The following PLCG1 variants were observed in gnomAD, a reference collection of about 807,000 sequenced individuals.
The protein encoded by PLCG1 is 1-phosphatidylinositol 4,5-bisphosphate phosphodiesterase gamma-1.
Under a neutral mutation model 177.8 loss-of-function variants are expected in PLCG1, and 71 were observed. The ratio of observed to expected loss-of-function variants is 0.40; its 90% CI spans 0.33 to 0.49. The LOEUF is 0.49. Ranked by LOEUF, PLCG1 falls within the 20% of genes least tolerant of loss-of-function variation. The pLI, the probability that PLCG1 is intolerant of heterozygous loss-of-function variation, is 0.72. For missense variants in PLCG1, 1,281 were observed against 1,709.0 expected (o/e 0.75, Z 4.42); for synonymous variants, 658 against 647.9 (o/e 1.02, Z -0.24).
chr20:41,142,911 G>C (rs2034874741), intron 1 of PLCG1, among the ~76,000 whole-genome samples: 1 of 152,146 alleles, frequency 6.6e-6, no homozygotes, highest in South Asian at 2.1e-4. Flanking sequence ...GGACCTGGTG[G>C]GGAGGAGTTC....
At position 41,163,200 on chromosome 20, in the gene PLCG1, C is replaced by T; in HGVS notation, c.717-3C>T. ...CTAGCTAGCTTACCTTCTCTCCCTG[C>T]AGGGCTGGGGAGCGGCCGGAGCTTT... On this transcript the variant is annotated splice_region_variant and splice_polypyrimidine_tract_variant and intron_variant, in intron 7 of 31. Transcript: ENST00000685551. The surrounding 1 kb of genome is among the most constrained non-coding windows in gnomAD (Gnocchi z 5.2). 1.3e-6 allele frequency: 2 copies of T among 1,544,856 alleles called. No individual in the cohort carries two copies. The highest frequency in any genetic ancestry group is 1.7e-6 in the Non-Finnish European group (2 of 1,147,784).
At chr20:41,169,258 G>A (rs547587327) in intron 22 of PLCG1, 83 bp downstream of exon 22, 20 of 1,057,404 alleles carry the variant, frequency 1.9e-5, no homozygotes, top group African/African-American at 1.4e-4. Flanking sequence ...TCCCAAGCAC[G>A]CACGTGCATG....
chr20:41,170,404 C>T (rs755842662), intron 24 of PLCG1, 135 bp downstream of exon 24: 8 of 806,710 alleles, frequency 9.9e-6, no homozygotes, highest in Non-Finnish European at 1.6e-5. Context: ...ACAGCCCCTG[C>T]CTTAGCTAGG....
intron 20 of PLCG1, 53 bp from the exon 21 acceptor site, chr20:41,168,714 G>A: frequency 9.2e-7 from 1 of 1,089,466 alleles, no homozygotes; most frequent in South Asian, 1.3e-5. Flanking sequence ...GCCCCAGGTT[G>A]GCAGTGGCAG....
Position 41,137,553 on chromosome 20 carries a change from T to C in PLCG1, c.-89T>C. The C allele has an allele frequency of 1.4e-6, 1 of 715,798 alleles. No individual in the cohort carries two copies. Among genetic ancestry groups the C allele is most frequent in the Non-Finnish European group, 1.9e-6 (1 of 523,924 alleles). 44.3% of individuals were successfully genotyped at this position (715,798 alleles called of 1,614,324 possible). ...CGCCGGGTCCCGCTCGTCTGCCGCC[T>C]CAGCCTCAGCCCCAACCTCAGCCGC... On this transcript the variant is annotated 5_prime_UTR_variant, in exon 1 of 32. Coordinates refer to ENST00000685551, the MANE Select transcript of PLCG1 (RefSeq NM_002660.3). This position sits in a 1 kb window ranked among gnomAD's most constrained non-coding sequence, Gnocchi z 7.3.
chr20:41,169,018 A>G, intron 21 of PLCG1, 61 bp from the exon 22 acceptor site: 1 of 1,365,278 alleles, frequency 7.3e-7, no homozygotes, highest in African/African-American at 1.4e-5. Context: ...CTACCAAAGG[A>G]TACCCTCCTC....
rs35743599 is a variant in PLCG1, at chr20:41,156,058, C to T, written c.218-3548C>T. Among the ~76,000 whole-genome samples, 3 of 152,296 alleles carry T rather than the reference C, an allele frequency of 2.0e-5. No homozygotes were observed. In the East Asian group the frequency reaches 5.8e-4, roughly 29 times the overall value. On this transcript the variant is annotated intron_variant, in intron 1 of 31. Transcript: ENST00000685551. The surrounding 1 kb of genome is among the most constrained non-coding windows in gnomAD (Gnocchi z 5.0). ...GGATTCTGCCTGGGGCACCAGGAAG[C>T]CTGGCTTATGAGAAGGTTCTCAGTC... is the stretch of plus-strand genomic sequence containing the variant.
Position 41,170,099 on chromosome 20 carries a change from C to G in PLCG1, c.2651-13C>G, listed in dbSNP as rs745843531. 6.2e-7 allele frequency: 1 copy of G among 1,601,574 alleles called. No individual in the cohort carries two copies. The highest frequency in any genetic ancestry group is 1.7e-5 in the Admixed American group (1 of 59,328). On this transcript the variant is annotated splice_polypyrimidine_tract_variant and intron_variant, in intron 23 of 31. Coordinates refer to ENST00000685551, the MANE Select transcript of PLCG1 (RefSeq NM_002660.3). ...TGTCTATTCCCAGCTGTTATCTGCT[C>G]TCGCCCTCCCAGCCATCCGTCCTGA... is the stretch of plus-strand genomic sequence containing the variant.
In PLCG1 at chr20:41,172,493, A is replaced by G. The variant is rs745473787; in HGVS notation, c.2978A>G (p.Asn993Ser). 2.3e-5 allele frequency: 37 copies of G among 1,614,112 alleles called. No individual in the cohort carries two copies. Among genetic ancestry groups the G allele is most frequent in the Non-Finnish European group, 2.6e-5 (31 of 1,180,042 alleles). ...FPETKAEKYV[N>S]KAKGKKFLQY... ...GAAACCAAGGCTGAGAAATACGTGA[A>G]CAAGGCCAAAGGCAAGAAGTTCCTT... Residue 993 changes from asparagine to serine, a missense_variant, in exon 26 of 32, where the codon AAC becomes AGC. Transcript: ENST00000685551. The surrounding 1 kb of genome is among the most constrained non-coding windows in gnomAD (Gnocchi z 7.0).
At position 41,163,862 on chromosome 20, in the gene PLCG1, G is replaced by T. The variant is rs367909005; in HGVS notation, c.1010+29G>T. On this transcript the variant is annotated intron_variant, in intron 10 of 31. Transcript: ENST00000685551. The surrounding 1 kb of genome is among the most constrained non-coding windows in gnomAD (Gnocchi z 5.2). Reference sequence around the variant, plus strand: ...AGTGTGGCTCCTTCAGGCCCACCCAGCTTCTTCCCCAGGAGGGCCCATCTG... The same window carrying T: ...AGTGTGGCTCCTTCAGGCCCACCCATCTTCTTCCCCAGGAGGGCCCATCTG... The T allele has an allele frequency of 6.2e-7, 1 of 1,610,068 alleles. No homozygotes were observed. The highest frequency in any genetic ancestry group is 1.3e-5 in the African/African-American group (1 of 74,850).
intron 4 of PLCG1, among the ~76,000 whole-genome samples, chr20:41,161,023 C>A (rs2035477861): frequency 6.6e-6 from 1 of 152,080 alleles, no homozygotes; most frequent in Admixed American, 6.5e-5. Flanking sequence ...GGTACATACA[C>A]AGTAGGGGCT....
rs1322973045 is a variant in PLCG1, at chr20:41,166,494, G to A, written c.2019G>A (p.Leu673=). 2 of 1,613,974 alleles carry A rather than the reference G, an allele frequency of 1.2e-6. No homozygotes were observed. The highest frequency in any genetic ancestry group is 2.7e-5 in the African/African-American group (2 of 74,926). ...HESKEWYHAS[L]TRAQAEHMLM... ...TTCTCAGGTGGTACCACGCGAGCCT[G>A]ACCAGAGCACAGGCTGAGCACATGC... The change falls in exon 18 of 32, where the codon CTG becomes CTA. Residue 673 remains leucine, a synonymous_variant. Coordinates refer to ENST00000685551, the MANE Select transcript of PLCG1 (RefSeq NM_002660.3). The surrounding 1 kb of genome is among the most constrained non-coding windows in gnomAD (Gnocchi z 8.6).
intron 20 of PLCG1, 83 bp from the exon 21 acceptor site, chr20:41,168,684 C>T: frequency 2.5e-6 from 2 of 811,020 alleles, no homozygotes; most frequent in South Asian, 2.9e-5. Context: ...AGCCCAAGCA[C>T]ATGTGTGTGT....
At chr20:41,162,274 G>C in intron 4 of PLCG1, 178 bp from the exon 5 acceptor site, 1 of 205,274 alleles carries the variant, frequency 4.9e-6, no homozygotes, top group Non-Finnish European at 9.2e-6. Flanking sequence ...GAGGAACTGA[G>C]GTCCAAAGAA....
chr20:41,165,498 T>A lies in PLCG1; in HGVS notation c.1558T>A (p.Ser520Thr). 6.2e-7 allele frequency: 1 copy of A among 1,613,988 alleles called. No homozygotes were observed. Among genetic ancestry groups the A allele is most frequent in the Non-Finnish European group, 8.5e-7 (1 of 1,179,942 alleles). The change falls in exon 15 of 32, where the codon TCT becomes ACT. Residue 520 changes from serine (S) to threonine (T), a missense_variant. Ser to Thr is a moderately conservative substitution (Grantham distance 58). This residue lies in a region of PLCG1 where 723 missense variants were observed against 1,030.0 expected (regional missense o/e 0.70). Transcript: ENST00000685551. The surrounding 1 kb of genome is among the most constrained non-coding windows in gnomAD (Gnocchi z 6.6). ...TCTGACCAGCAGCAAGATCTACTAC[T>A]CTGAGGAGACCAGCAGTGACCAGGG... ...FVLTSSKIYY[S>T]EETSSDQGNE...
rs2145987363 is a variant in PLCG1, at chr20:41,137,891, C to G, written c.217+33C>G. On this transcript the variant is annotated intron_variant, in intron 1 of 31. Coordinates refer to ENST00000685551, the MANE Select transcript of PLCG1 (RefSeq NM_002660.3). The surrounding 1 kb of genome is among the most constrained non-coding windows in gnomAD (Gnocchi z 7.3). Reference sequence around the variant, plus strand: ...CGCCCACTTCCTGCCTGGGCCCGCCCCGCGCGGGGGTCGTGGGAGCCCGGC... The same window carrying G: ...CGCCCACTTCCTGCCTGGGCCCGCCGCGCGCGGGGGTCGTGGGAGCCCGGC... 8.1e-7 allele frequency: 1 copy of G among 1,230,236 alleles called. No homozygotes were observed. Among genetic ancestry groups the G allele is most frequent in the Non-Finnish European group, 1.0e-6 (1 of 971,522 alleles). The allele number at this position is 1,230,236 out of a possible 1,614,324, so 76.2% of individuals were successfully genotyped here.
Position 41,169,068 on chromosome 20 carries a change from G to A in PLCG1, c.2484-11G>A. On this transcript the variant is annotated splice_polypyrimidine_tract_variant and intron_variant, in intron 21 of 31. Transcript: ENST00000685551. ...TGGTTGCTGGAGGTCAGCACCCTGT[G>A]GCTCCCACAGGTGGCGAGGGGACTA... 6.2e-7 allele frequency: 1 copy of A among 1,608,024 alleles called. No individual in the cohort carries two copies.
Position 41,172,848 on chromosome 20 carries a change from G to T in PLCG1, c.3250G>T (p.Gly1084Trp), listed in dbSNP as rs772187447. 6.2e-7 allele frequency: 1 copy of T among 1,614,118 alleles called. No homozygotes were observed. ...CCCCTTTGACAAGAGCAGCCTCCGC[G>T]GGCTGGAGCCATGTGCCATCTCTAT... is the stretch of plus-strand genomic sequence containing the variant. ...FDPFDKSSLRGLEPCAISIEV... is the reference protein window; with the variant it reads ...FDPFDKSSLRWLEPCAISIEV... Residue 1084 changes from glycine (G) to tryptophan (W), a missense_variant, in exon 27 of 32, where the codon GGG (glycine) becomes TGG (tryptophan). Physicochemically the swap from Gly to Trp is radical, Grantham distance 184. Coordinates refer to ENST00000685551, the MANE Select transcript of PLCG1 (RefSeq NM_002660.3). This position sits in a 1 kb window ranked among gnomAD's most constrained non-coding sequence, Gnocchi z 7.0.
At position 41,169,434 on chromosome 20, in the gene PLCG1, T is replaced by C. The variant is rs35680558; in HGVS notation, c.2581-23T>C. 3.0e-4 allele frequency: 473 copies of C among 1,590,178 alleles called. 1 individual carries two copies. The African/African-American group carries it at 5.4e-3, about 18-fold the overall frequency. ...ACATATGCAGTAGCCATGCTGACCA[T>C]TGGTGGGCTTTGCTTCCCACAGCAC... On this transcript the variant is annotated intron_variant, in intron 22 of 31. Transcript: ENST00000685551.
Sources: gnomAD v4.1 joint callset for allele counts (sites outside exome capture counted in the v4.1 genomes callset) on GRCh38, gnomAD v4.1.1 for gene constraint, gnomAD v4.1.1 regional missense constraint, Gnocchi (gnomAD v3.1) non-coding constraint, MANE v1.5 for transcripts, NCBI Gene and HGNC (gene_info 2026-07-23, HGNC 2026-07-21) for gene names.